NALCN: variants seen among roughly 807,000 people sequenced by gnomAD.
NALCN encodes the protein sodium leak channel NALCN.
NALCN carries 111 observed loss-of-function variants against 225.3 expected under a neutral mutation model. The observed-to-expected ratio is 0.49, with a 90% CI of 0.42 to 0.58. The LOEUF is 0.58. NALCN is among the 20% of genes least tolerant of loss of function. NALCN has a pLI of 0.00. For missense variants in NALCN, 1,378 were observed against 2,202.4 expected (o/e 0.63, Z 7.49); for synonymous variants, 764 against 769.0 (o/e 0.99, Z 0.11).
At chr13:101,397,513 T>C (rs2047346804) in intron 2 of NALCN, among the ~76,000 whole-genome samples, 1 of 151,254 alleles carries the variant, frequency 6.6e-6, no homozygotes, top group Admixed American at 6.6e-5. Context: ...GACATGTATA[T>C]ATGTTATATA....
chr13:101,121,209 C>T (rs2035957280), intron 18 of NALCN, among the ~76,000 whole-genome samples: 1 of 152,044 alleles, frequency 6.6e-6, no homozygotes, highest in Non-Finnish European at 1.5e-5. Context: ...TCTTCAGGGG[C>T]CCTGAAGATC....
At chr13:101,171,534 T>A (rs1296820059) in intron 15 of NALCN, among the ~76,000 whole-genome samples, 4 of 152,148 alleles carry the variant, frequency 2.6e-5, no homozygotes, top group East Asian at 3.9e-4. Context: ...GTCATGTAAA[T>A]GATGGCAGCT....
intron 30 of NALCN, among the ~76,000 whole-genome samples, chr13:101,088,852 G>A (rs1420982274): frequency 2.0e-5 from 3 of 151,972 alleles, no homozygotes; most frequent in Admixed American, 6.6e-5. Context: ...CAGGCTTCCC[G>A]AGTTCACAAA....
chr13:101,187,585 C>A (rs1294376945), intron 14 of NALCN, among the ~76,000 whole-genome samples: 3 of 152,076 alleles, frequency 2.0e-5, no homozygotes, highest in Admixed American at 2.0e-4. Flanking sequence ...GTAAAGCAAA[C>A]AATTGAGTCA....
chr13:101,217,374 C>T (rs1000450975), intron 13 of NALCN, among the ~76,000 whole-genome samples: 12 of 152,206 alleles, frequency 7.9e-5, no homozygotes, highest in Non-Finnish European at 1.6e-4. Context: ...TATTGCCTTA[C>T]ATCAGGATTT....
chr13:101,100,683 A>C, intron 27 of NALCN, 101 bp downstream of exon 27: 1 of 871,176 alleles, frequency 1.1e-6, no homozygotes, highest in Non-Finnish European at 1.7e-6. Flanking sequence ...AGTTTCAAGT[A>C]ATCTTCCCTC....
intron 4 of NALCN, 75 bp from the exon 5 acceptor site, chr13:101,377,131 T>A: frequency 3.8e-6 from 6 of 1,578,508 alleles, no homozygotes; most frequent in South Asian, 3.4e-5. Flanking sequence ...CATACAGATG[T>A]TAGCAGCATA....
rs756538147 is a variant in NALCN at position 101,104,593 on chromosome 13, G to C, written c.2694C>G (p.Cys898Trp). The change falls in exon 24 of 44, where the codon TGC becomes TGG. Residue 898 changes from cysteine (C) to tryptophan (W), a missense_variant. Cys to Trp is a radical substitution (Grantham distance 215). Transcript: ENST00000251127. This position sits in a 1 kb window ranked among gnomAD's most constrained non-coding sequence, Gnocchi z 4.2. ...ACTCAAACATCATGGAAATGCAAGA[G>C]CAGATGGTTACGATGATCATGACCC... ...LDWVMIIVTI[C>W]SCISMMFESP... 6.2e-7 allele frequency: 1 copy of C among 1,613,980 alleles called. No homozygotes were observed. Among genetic ancestry groups the C allele is most frequent in the Non-Finnish European group, 8.5e-7 (1 of 1,179,920 alleles).
intron 13 of NALCN, among the ~76,000 whole-genome samples, chr13:101,193,375 G>T (rs1250376449): frequency 2.6e-5 from 4 of 152,086 alleles, no homozygotes; most frequent in African/African-American, 9.7e-5. Flanking sequence ...CTTCAGTAAG[G>T]ATAACAAACT....
intron 2 of NALCN, among the ~76,000 whole-genome samples, chr13:101,396,413 T>G (rs569181626): frequency 6.6e-6 from 1 of 152,236 alleles, no homozygotes; most frequent in Admixed American, 6.5e-5. Flanking sequence ...TTCTTTAATA[T>G]AATACTCTGA....
intron 18 of NALCN, among the ~76,000 whole-genome samples, chr13:101,118,259 A>T (rs1175179782): frequency 6.6e-6 from 1 of 152,138 alleles, no homozygotes; most frequent in South Asian, 2.1e-4. Context: ...GTCTATTAAA[A>T]AAAACTTCCC....
intron 9 of NALCN, among the ~76,000 whole-genome samples, chr13:101,285,106 AG>A (rs2043292908): frequency 6.6e-6 from 1 of 152,102 alleles, no homozygotes; most frequent in African/African-American, 2.4e-5. Context: ...CTGTATTCGA[AG>A]GGGTAACTGC....
Position 101,107,473 on chromosome 13 carries a change from T to G in NALCN, c.2579+14A>C. The G allele has an allele frequency of 6.2e-7, 1 of 1,613,888 alleles. No homozygotes were observed. Reference sequence around the variant, plus strand: ...GCTCAGGCCAAACACCTGGCTGAAATGAAGTGTACTTACGCGTTGAAGCGT... The same window carrying G: ...GCTCAGGCCAAACACCTGGCTGAAAGGAAGTGTACTTACGCGTTGAAGCGT... On this transcript the variant is annotated intron_variant, in intron 22 of 43. Transcript: ENST00000251127.
chr13:101,180,540 A>G (rs957648858), intron 14 of NALCN: 7 of 158,036 alleles, frequency 4.4e-5, no homozygotes, highest in African/African-American at 1.7e-4. Context: ...TTGTTCCCAC[A>G]ACACATGTAT....
At chr13:101,314,199 A>G (rs1437460600) in intron 7 of NALCN, among the ~76,000 whole-genome samples, 3 of 151,216 alleles carry the variant, frequency 2.0e-5, no homozygotes, top group Non-Finnish European at 4.4e-5. Flanking sequence ...ATTTGGAGAT[A>G]GGCCTAATGC....
chr13:101,133,529 T>C (rs989625563), intron 17 of NALCN, among the ~76,000 whole-genome samples: 6 of 152,216 alleles, frequency 3.9e-5, no homozygotes, highest in South Asian at 2.1e-4. Flanking sequence ...AAATAAAATA[T>C]AGTAATTGGG....
At chr13:101,390,793 C>T (rs532390150) in intron 3 of NALCN, among the ~76,000 whole-genome samples, 1 of 151,628 alleles carries the variant, frequency 6.6e-6, no homozygotes, top group African/African-American at 2.4e-5. Flanking sequence ...AAATGTGAGA[C>T]AAACACCTTC....
rs540822980 is a variant in NALCN, at chr13:101,208,712, C to T, written c.1627-16658G>A. Among the ~76,000 whole-genome samples, 17 of 152,220 alleles carry T rather than the reference C, an allele frequency of 1.1e-4. No individual in the cohort carries two copies. In the East Asian group the frequency reaches 2.1e-3, roughly 19 times the overall value. Reference sequence around the variant, plus strand: ...CTGTCTATGATAACGAGTGAGCTCTCGCTCTAAGCTCTAAATTCACAGGAG... The same window carrying T: ...CTGTCTATGATAACGAGTGAGCTCTTGCTCTAAGCTCTAAATTCACAGGAG... On this transcript the variant is annotated intron_variant, in intron 13 of 43. Transcript: ENST00000251127.
intron 7 of NALCN, 45 bp downstream of exon 7, chr13:101,345,221 A>G (rs2045681653): frequency 2.5e-6 from 4 of 1,583,560 alleles, no homozygotes; most frequent in Non-Finnish European, 3.4e-6. Context: ...CTTCATAAAC[A>G]TCACAAAATA....
Sources: gnomAD v4.1 joint callset for allele counts (sites outside exome capture counted in the v4.1 genomes callset) on GRCh38, gnomAD v4.1.1 for gene constraint, Gnocchi (gnomAD v3.1) non-coding constraint, MANE v1.5 for transcripts, NCBI Gene and HGNC (gene_info 2026-07-23, HGNC 2026-07-21) for gene names.